The following NELL1 variants were observed in gnomAD, a reference collection of about 807,000 sequenced individuals.
NELL1 encodes the protein protein kinase C-binding protein NELL1.
In NELL1, 76 loss-of-function variants were observed where a neutral mutation model predicts 107.4. The observed-to-expected ratio is 0.71, with a 90% confidence interval of 0.59 to 0.86. NELL1 has a LOEUF of 0.86. NELL1 is among the 40% of genes least tolerant of loss of function. The pLI is 0.00. For missense variants in NELL1, 1,024 were observed against 1,005.5 expected (o/e 1.02, Z -0.25); for synonymous variants, 353 against 341.2 (o/e 1.03, Z -0.38).
intron 13 of NELL1, among the ~76,000 whole-genome samples, chr11:21,122,149 A>T (rs1299928350): frequency 6.6e-6 from 1 of 152,198 alleles, no homozygotes; most frequent in Non-Finnish European, 1.5e-5. Context: ...AGGATCAATG[A>T]TGGAGCTTGC....
intron 13 of NELL1, among the ~76,000 whole-genome samples, chr11:21,123,116 A>G (rs903543768): frequency 1.3e-5 from 2 of 152,194 alleles, no homozygotes; most frequent in Non-Finnish European, 2.9e-5. Flanking sequence ...TTTTAAAAAT[A>G]AGAGTAACTT....
chr11:20,975,492 C>T (rs80040471), intron 12 of NELL1, among the ~76,000 whole-genome samples: 24,252 of 145,770 alleles, frequency 0.17, 2,348 homozygotes, highest in Middle Eastern at 0.27. Flanking sequence ...GATATAGCTA[C>T]ATATTCAATA....
intron 10 of NELL1, among the ~76,000 whole-genome samples, chr11:20,941,592 T>C (rs976563649): frequency 3.9e-5 from 6 of 152,134 alleles, no homozygotes; most frequent in Non-Finnish European, 7.4e-5. Context: ...ATAGGCATAA[T>C]CACCAGCCCT....
chr11:20,934,397 G>T (rs1850680640), intron 9 of NELL1, among the ~76,000 whole-genome samples: 1 of 152,182 alleles, frequency 6.6e-6, no homozygotes, highest in Non-Finnish European at 1.5e-5. Flanking sequence ...AGTACATAAA[G>T]TTCAGTGGAC....
chr11:21,012,752 T>C (rs12279267), intron 12 of NELL1, among the ~76,000 whole-genome samples: 17,792 of 152,056 alleles, frequency 0.12, 3,483 homozygotes, highest in African/African-American at 0.4. Context: ...AGCTGTCCTC[T>C]TGTACAGAGT....
rs552387836 is a variant in NELL1 at position 21,356,567 on chromosome 11, A to G, written c.1550-14286A>G. On this transcript the variant is annotated intron_variant, in intron 14 of 19. Transcript: ENST00000357134. Reference sequence around the variant, plus strand: ...TTGTCCTCCGCGCAAACACTGTTTTAGACTCAAAGATCCTGGAGAACAGGA... The same window carrying G: ...TTGTCCTCCGCGCAAACACTGTTTTGGACTCAAAGATCCTGGAGAACAGGA... Among the ~76,000 whole-genome samples, 33 of 152,324 alleles carry G rather than the reference A, an allele frequency of 2.2e-4. No individual in the cohort carries two copies. In the East Asian group the frequency reaches 5.8e-3, roughly 27 times the overall value.
intron 14 of NELL1, among the ~76,000 whole-genome samples, chr11:21,233,306 T>C (rs4310613): frequency 0.09 from 13,714 of 152,310 alleles, 816 homozygotes; most frequent in Admixed American, 0.13. Context: ...CATTATTCTA[T>C]TTCACAAGTA....
chr11:20,681,287 A>G (rs770651370), intron 2 of NELL1, among the ~76,000 whole-genome samples: 23 of 152,082 alleles, frequency 1.5e-4, no homozygotes, highest in Non-Finnish European at 2.4e-4. Flanking sequence ...TCAGACTGTA[A>G]CTTCAACACT....
intron 4 of NELL1, among the ~76,000 whole-genome samples, chr11:20,854,929 C>A (rs1043859508): frequency 1.3e-5 from 2 of 152,172 alleles, no homozygotes; most frequent in African/African-American, 4.8e-5. Flanking sequence ...TATAGATGGC[C>A]AATATAATAC....
intron 13 of NELL1, among the ~76,000 whole-genome samples, chr11:21,215,974 T>C (rs937444462): frequency 3.3e-5 from 5 of 152,118 alleles, no homozygotes; most frequent in Admixed American, 1.3e-4. Flanking sequence ...GAGACTTTCA[T>C]TGCAACCCCT....
At chr11:20,810,171 T>C (rs1265898454) in intron 3 of NELL1, among the ~76,000 whole-genome samples, 1 of 152,160 alleles carries the variant, frequency 6.6e-6, no homozygotes, top group East Asian at 1.9e-4. Flanking sequence ...TCTACTCAGG[T>C]CTTTTGCCTA....
At chr11:21,164,589 A>G (rs759712469) in intron 13 of NELL1, among the ~76,000 whole-genome samples, 33 of 152,178 alleles carry the variant, frequency 2.2e-4, no homozygotes, top group Non-Finnish European at 4.3e-4. Context: ...TATTATGGAA[A>G]GAGTTTCACT....
chr11:21,301,806 A>T (rs1051940845), intron 14 of NELL1, among the ~76,000 whole-genome samples: 1 of 151,860 alleles, frequency 6.6e-6, no homozygotes, highest in African/African-American at 2.4e-5. Flanking sequence ...AGGCAACAAA[A>T]CTCCATATTA....
At chr11:21,526,293 T>C (rs1047935802) in intron 15 of NELL1, among the ~76,000 whole-genome samples, 2 of 152,192 alleles carry the variant, frequency 1.3e-5, no homozygotes, top group Non-Finnish European at 2.9e-5. Context: ...GATGGAAGAA[T>C]TGGGTTCCCA....
chr11:21,462,636 AT>A (rs1853927023), intron 15 of NELL1, among the ~76,000 whole-genome samples: 2 of 152,004 alleles, frequency 1.3e-5, no homozygotes, highest in South Asian at 4.1e-4. Flanking sequence ...TCCAGGGTTG[AT>A]TTACTGGCCT....
intron 13 of NELL1, among the ~76,000 whole-genome samples, chr11:21,119,513 C>A (rs1855315893): frequency 6.6e-6 from 1 of 151,928 alleles, no homozygotes; most frequent in Admixed American, 6.6e-5. Context: ...ACTGGGGTTT[C>A]CCTGACATGA....
intron 13 of NELL1, among the ~76,000 whole-genome samples, chr11:21,167,465 G>A (rs906543915): frequency 6.6e-6 from 1 of 151,826 alleles, no homozygotes; most frequent in African/African-American, 2.4e-5. Context: ...GATTAGGTCA[G>A]TTCTTCCCAA....
intron 3 of NELL1, among the ~76,000 whole-genome samples, chr11:20,842,742 A>T (rs1393339444): frequency 6.6e-6 from 1 of 152,234 alleles, no homozygotes; most frequent in Non-Finnish European, 1.5e-5. Context: ...TAAGGTTGTT[A>T]CGAGGATTAC....
At chr11:20,743,841 T>C (rs913512347) in intron 2 of NELL1, among the ~76,000 whole-genome samples, 2 of 152,316 alleles carry the variant, frequency 1.3e-5, no homozygotes, top group Admixed American at 6.5e-5. Context: ...AATATCTAAC[T>C]GGCAAGCTAG....
Sources: gnomAD v4.1 joint callset for allele counts (sites outside exome capture counted in the v4.1 genomes callset) on GRCh38, gnomAD v4.1.1 for gene constraint, MANE v1.5 for transcripts, NCBI Gene and HGNC (gene_info 2026-07-23, HGNC 2026-07-21) for gene names.